Variants in CCDC93 observed in about 807,000 individuals in gnomAD.
CCDC93 encodes the protein coiled-coil domain-containing protein 93.
A neutral mutation model predicts 108.2 loss-of-function variants in CCDC93; 61 were observed. That is an observed-to-expected ratio of 0.56 (90% CI 0.46 to 0.70). CCDC93 has a LOEUF of 0.70. CCDC93 is among the 30% of genes least tolerant of loss of function. CCDC93 has a pLI of 0.00. For synonymous variants in CCDC93, 276 were observed against 260.4 expected (o/e 1.06, Z -0.58); for missense variants, 685 against 764.2 (o/e 0.90, Z 1.22).
In CCDC93 at chr2:117,996,403, C is replaced by T. The variant is rs76045958; in HGVS notation, c.364-41G>A. 3.7e-3 allele frequency: 5,340 copies of T among 1,431,082 alleles called. 132 individuals carry two copies. In the African/African-American group the frequency reaches 0.06, roughly 16 times the overall value. 88.6% of individuals were successfully genotyped at this position (1,431,082 alleles called of 1,614,324 possible). ...AAAAGACAAGAGTTGCTAAGGACAA[C>T]ATCCCACTGAAGTGAAGGCCAGTTC... On this transcript the variant is annotated intron_variant, in intron 4 of 23. Transcript: ENST00000376300.
intron 22 of CCDC93, among the ~76,000 whole-genome samples, chr2:117,932,048 G>A (rs1678352997): frequency 6.6e-6 from 1 of 152,142 alleles, no homozygotes; most frequent in Non-Finnish European, 1.5e-5. Context: ...GACACGGGGG[G>A]AGGTGACGGA....
At chr2:117,925,045 G>C (rs868837904) in intron 23 of CCDC93, among the ~76,000 whole-genome samples, 2 of 152,176 alleles carry the variant, frequency 1.3e-5, no homozygotes, top group Middle Eastern at 3.4e-3. Context: ...AAGTGAAGGA[G>C]AAATAAAATA....
intron 11 of CCDC93, among the ~76,000 whole-genome samples, chr2:117,961,546 A>G (rs1679391059): frequency 6.6e-6 from 1 of 152,240 alleles, no homozygotes; most frequent in Non-Finnish European, 1.5e-5. Flanking sequence ...CCTAGTAAAC[A>G]GAAAGCTGAC....
In CCDC93 at chr2:117,919,114, G is replaced by C. The variant is rs938597259; in HGVS notation, c.*1229C>G. The stretch of plus-strand genomic sequence containing the variant: ...GAGTTACCAGACTCCTGAGGACCAG[G>C]GCAGCAGGAGCTCCATGTTTGATCT... On this transcript the variant is annotated 3_prime_UTR_variant, in exon 24 of 24. Coordinates refer to ENST00000376300, the MANE Select transcript of CCDC93 (RefSeq NM_019044.5). 3.9e-5 allele frequency: 6 copies of C among 152,062 alleles called. No homozygotes were observed. The highest frequency in any genetic ancestry group is 1.4e-4 in the African/African-American group (6 of 41,382). 9.4% of individuals were successfully genotyped at this position (152,062 alleles called of 1,614,324 possible). A position where few individuals can be genotyped will look rare whatever the true frequency, so the allele number is the denominator to read the frequency against.
At chr2:117,965,395 TC>T (rs1386728431) in intron 11 of CCDC93, among the ~76,000 whole-genome samples, 1 of 152,120 alleles carries the variant, frequency 6.6e-6, no homozygotes, top group Non-Finnish European at 1.5e-5. Context: ...GCAGTCGGGG[TC>T]CCCGGGCTGC....
chr2:117,983,034 T>C (rs2104795485), intron 7 of CCDC93, among the ~76,000 whole-genome samples: 1 of 152,300 alleles, frequency 6.6e-6, no homozygotes, highest in Middle Eastern at 3.4e-3. Flanking sequence ...CAGGGTTTTT[T>C]CTCTTATCTA....
At chr2:117,981,516 G>A (rs575013444) in intron 7 of CCDC93, among the ~76,000 whole-genome samples, 1 of 152,192 alleles carries the variant, frequency 6.6e-6, no homozygotes, top group East Asian at 1.9e-4. Context: ...TACCTACACT[G>A]TTAGCACCAA....
chr2:117,977,959 C>G lies in CCDC93; in HGVS notation c.657+35G>C, dbSNP rs371864251. 8.1e-6 allele frequency: 13 copies of G among 1,598,008 alleles called. No homozygotes were observed. In the African/African-American group the frequency reaches 1.6e-4, roughly 20 times the overall value. ...GGTGAAGGGAGTCACTTCCATCTCT[C>G]AAGTATTCTCTCTTACTATCAATGT... On this transcript the variant is annotated intron_variant, in intron 8 of 23. Coordinates refer to ENST00000376300, the MANE Select transcript of CCDC93 (RefSeq NM_019044.5).
intron 22 of CCDC93, among the ~76,000 whole-genome samples, chr2:117,932,436 C>T (rs1323617149): frequency 6.6e-6 from 1 of 152,168 alleles, no homozygotes; most frequent in East Asian, 1.9e-4. Flanking sequence ...CTTGGTGTCC[C>T]CAAGGCCTAT....
At chr2:117,973,853 A>G in intron 11 of CCDC93, 55 bp downstream of exon 11, 1 of 1,376,130 alleles carries the variant, frequency 7.3e-7, no homozygotes, top group Non-Finnish European at 1.0e-6. Flanking sequence ...GAAGTGGGAG[A>G]ACAAAGCCAT....
intron 1 of CCDC93, among the ~76,000 whole-genome samples, chr2:118,010,107 T>TTTTG (rs146493058): frequency 0.62 from 92,921 of 150,542 alleles, 29,728 homozygotes; most frequent in East Asian, 0.86. Flanking sequence ...ACGCCCGTTT[T>TTTTG]TTTGTTTGTT....
At chr2:117,927,472 AC>A (rs1308984067) in intron 23 of CCDC93, among the ~76,000 whole-genome samples, 2 of 136,018 alleles carry the variant, frequency 1.5e-5, no homozygotes, top group Non-Finnish European at 3.5e-5. Context: ...TACACCAATA[AC>A]AGACAGAGAG....
At chr2:117,964,668 A>G (rs2104766121) in intron 11 of CCDC93, among the ~76,000 whole-genome samples, 1 of 152,172 alleles carries the variant, frequency 6.6e-6, no homozygotes, top group African/African-American at 2.4e-5. Context: ...GCATGATCAT[A>G]GCTCACTGCA....
intron 1 of CCDC93, among the ~76,000 whole-genome samples, chr2:118,011,264 G>A (rs1021902856): frequency 1.4e-4 from 21 of 152,156 alleles, no homozygotes; most frequent in African/African-American, 5.1e-4. Context: ...TTAAAATATA[G>A]TTAATACAGA....
At chr2:117,932,861 G>A (rs1464251868) in intron 22 of CCDC93, among the ~76,000 whole-genome samples, 1 of 152,198 alleles carries the variant, frequency 6.6e-6, no homozygotes, top group Non-Finnish European at 1.5e-5. Context: ...GCACTGGCTA[G>A]GACCTCACAG....
At chr2:117,936,901 T>C (rs55918624) in intron 20 of CCDC93, 162 bp from the exon 21 acceptor site, 46,510 of 631,034 alleles carry the variant, frequency 0.074, 2,206 homozygotes, top group Admixed American at 0.11. Flanking sequence ...ATTAGCCACA[T>C]GTTCTGTCTC....
intron 12 of CCDC93, among the ~76,000 whole-genome samples, chr2:117,954,787 C>T (rs2104750325): frequency 6.6e-6 from 1 of 152,314 alleles, no homozygotes; most frequent in South Asian, 2.1e-4. Context: ...TGGGAGGGAT[C>T]AGGTGGAGGT....
chr2:117,924,782 C>T (rs1049516506), intron 23 of CCDC93, among the ~76,000 whole-genome samples: 1 of 152,104 alleles, frequency 6.6e-6, no homozygotes, highest in African/African-American at 2.4e-5. Context: ...CAGAGAATGC[C>T]ACAAAGATAC....
chr2:117,975,415 A>G (rs959762202), intron 8 of CCDC93, 135 bp from the exon 9 acceptor site: 131 of 650,236 alleles, frequency 2.0e-4, no homozygotes, highest in Admixed American at 6.2e-4. Flanking sequence ...GAGAGTGGAT[A>G]CTCCAAACGG....
Sources: gnomAD v4.1 joint callset for allele counts (sites outside exome capture counted in the v4.1 genomes callset) on GRCh38, gnomAD v4.1.1 for gene constraint, MANE v1.5 for transcripts, NCBI Gene and HGNC (gene_info 2026-07-23, HGNC 2026-07-21) for gene names.